The following HCN3 variants were observed in gnomAD, a reference collection of about 807,000 sequenced individuals.
HCN3 encodes potassium/sodium hyperpolarization-activated cyclic nucleotide-gated channel 3.
A neutral mutation model predicts 56.8 loss-of-function variants in HCN3; 36 were observed. The observed-to-expected ratio is 0.63, with a 90% CI of 0.49 to 0.84. HCN3 has a LOEUF of 0.84. Ranked by LOEUF, HCN3 falls within the 40% of genes least tolerant of loss-of-function variation. The pLI, the probability that HCN3 is intolerant of heterozygous loss-of-function variation, is 0.00. For synonymous variants in HCN3, 425 were observed against 439.7 expected (o/e 0.97, Z 0.42); for missense variants, 930 against 1,079.3 (o/e 0.86, Z 1.94).
chr1:155,283,366 A>G (rs1674150287), intron 2 of HCN3, among the ~76,000 whole-genome samples: 1 of 152,096 alleles, frequency 6.6e-6, no homozygotes, highest in Non-Finnish European at 1.5e-5. Flanking sequence ...TGTCTAGCAC[A>G]TACTAAGTTC....
chr1:155,284,387 C>T lies in HCN3; in HGVS notation c.871-152C>T. On this transcript the variant is annotated intron_variant, in intron 3 of 7. Transcript: ENST00000368358. This position sits in a 1 kb window ranked among gnomAD's most constrained non-coding sequence, Gnocchi z 4.3. ...GTTGCAATAGAGGACCCTTTTGCCT[C>T]AGGGCCCCCCAGAACCAAACTTAAG... is the stretch of plus-strand genomic sequence containing the variant. The T allele has an allele frequency of 1.1e-6, 1 of 945,068 alleles. No homozygotes were observed. The highest frequency in any genetic ancestry group is 1.7e-5 in the South Asian group (1 of 57,354). 58.5% of individuals were successfully genotyped at this position (945,068 alleles called of 1,614,324 possible). A position where few individuals can be genotyped will look rare whatever the true frequency, so the allele number is the denominator to read the frequency against.
At chr1:155,287,489 C>A in intron 7 of HCN3, 152 bp downstream of exon 7, 1 of 943,368 alleles carries the variant, frequency 1.1e-6, no homozygotes, top group Non-Finnish European at 1.6e-6. Context: ...ACACTGTGGC[C>A]CACTGTCCCT....
rs1674248396 is a variant in HCN3 at position 155,285,581 on chromosome 1, G to C, written c.1237-143G>C. 8.5e-7 allele frequency: 1 copy of C among 1,179,762 alleles called. No homozygotes were observed. Among genetic ancestry groups the C allele is most frequent in the African/African-American group, 1.5e-5 (1 of 65,104 alleles). The allele number at this position is 1,179,762 out of a possible 1,614,324, so 73.1% of individuals were successfully genotyped here. On this transcript the variant is annotated intron_variant, in intron 5 of 7. Transcript: ENST00000368358. The surrounding 1 kb of genome is among the most constrained non-coding windows in gnomAD (Gnocchi z 4.5). ...GGAAAGATCTGAAGGCAGGAGCTTA[G>C]GGATGGTCCCAGGCCCACTGATGCC...
chr1:155,277,879 C>A lies in HCN3; in HGVS notation c.278+11C>A, dbSNP rs753337283. 6 of 1,610,890 alleles carry A rather than the reference C, an allele frequency of 3.7e-6. No homozygotes were observed. The South Asian group carries it at 6.6e-5, about 18-fold the overall frequency. ...CTACAGCGACTTCCGGTATTGGGGGCTTGGCGGGGAGGGCAGGGTACATCA... is the reference window on the plus strand; with the variant it reads ...CTACAGCGACTTCCGGTATTGGGGGATTGGCGGGGAGGGCAGGGTACATCA... On this transcript the variant is annotated intron_variant, in intron 1 of 7. Coordinates refer to ENST00000368358, the MANE Select transcript of HCN3 (RefSeq NM_020897.3).
In HCN3 at chr1:155,285,078, T is replaced by C. The variant is rs1674222742; in HGVS notation, c.1090-87T>C. On this transcript the variant is annotated intron_variant, in intron 4 of 7. Transcript: ENST00000368358. The surrounding 1 kb of genome is among the most constrained non-coding windows in gnomAD (Gnocchi z 4.5). ...CACCCCTTTGAGTTTGACCTGTGTCTCTGACCTTCCGCACACACACCCCAC... is the reference window on the plus strand; with the variant it reads ...CACCCCTTTGAGTTTGACCTGTGTCCCTGACCTTCCGCACACACACCCCAC... The C allele has an allele frequency of 6.6e-7, 1 of 1,506,212 alleles. No homozygotes were observed. Among genetic ancestry groups the C allele is most frequent in the East Asian group, 2.3e-5 (1 of 44,050 alleles). The allele number at this position is 1,506,212 out of a possible 1,614,324, so 93.3% of individuals were successfully genotyped here. A position where few individuals can be genotyped will look rare whatever the true frequency, so the allele number is the denominator to read the frequency against.
Position 155,284,802 on chromosome 1 carries a change from G to T in HCN3, c.1089+45G>T. 2 of 1,541,704 alleles carry T rather than the reference G, an allele frequency of 1.3e-6. No individual in the cohort carries two copies. On this transcript the variant is annotated intron_variant, in intron 4 of 7. Coordinates refer to ENST00000368358, the MANE Select transcript of HCN3 (RefSeq NM_020897.3). The surrounding 1 kb of genome is among the most constrained non-coding windows in gnomAD (Gnocchi z 4.3). ...GGAGGTGTGGCATGGAGGGGTGTTG[G>T]AGACTGGGTAGCCTGACTTGAGGCC...
rs376804542 is a variant in HCN3, at chr1:155,284,141, A to T, written c.870+6A>T. 6.2e-7 allele frequency: 1 copy of T among 1,613,500 alleles called. No homozygotes were observed. Among genetic ancestry groups the T allele is most frequent in the Non-Finnish European group, 8.5e-7 (1 of 1,179,600 alleles). ...TCTCCATCAACCACATGGTGGTGAGAAGTCCCCACAGCTCTGCCTTTCCTG... is the reference window on the plus strand; with the variant it reads ...TCTCCATCAACCACATGGTGGTGAGTAGTCCCCACAGCTCTGCCTTTCCTG... On this transcript the variant is annotated splice_donor_region_variant and intron_variant, in intron 3 of 7. Coordinates refer to ENST00000368358, the MANE Select transcript of HCN3 (RefSeq NM_020897.3). This position sits in a 1 kb window ranked among gnomAD's most constrained non-coding sequence, Gnocchi z 4.3.
Position 155,285,998 on chromosome 1 carries a change from G to T in HCN3, c.1477+34G>T, listed in dbSNP as rs776393595. 3.9e-6 allele frequency: 6 copies of T among 1,548,862 alleles called. No homozygotes were observed. Among genetic ancestry groups the T allele is most frequent in the South Asian group, 1.2e-5 (1 of 80,478 alleles). ...GCCTCAGGGAGGGTGGCAGGGTCAC[G>T]AGCAGACAGTGGAGAGGGCAACTGC... On this transcript the variant is annotated intron_variant, in intron 6 of 7. Transcript: ENST00000368358. The surrounding 1 kb of genome is among the most constrained non-coding windows in gnomAD (Gnocchi z 4.5).
Position 155,282,251 on chromosome 1 carries a change from C to T in HCN3, c.279-160C>T, listed in dbSNP as rs1452693769. 1.3e-5 allele frequency among the ~76,000 whole-genome samples: 2 copies of T among 152,234 alleles called. No homozygotes were observed. Among genetic ancestry groups the T allele is most frequent in the Admixed American group, 6.5e-5 (1 of 15,280 alleles). The stretch of plus-strand genomic sequence containing the variant: ...TCACTAGATAATGCTGAACTATTTT[C>T]CCAAATGGTGGTCCCAACTTATACT... On this transcript the variant is annotated intron_variant, in intron 1 of 7. Transcript: ENST00000368358. This position sits in a 1 kb window ranked among gnomAD's most constrained non-coding sequence, Gnocchi z 4.7.
chr1:155,285,448 G>T lies in HCN3; in HGVS notation c.1236+137G>T. 1 of 1,161,948 alleles carries T rather than the reference G, an allele frequency of 8.6e-7. No individual in the cohort carries two copies. The highest frequency in any genetic ancestry group is 1.2e-6 in the Non-Finnish European group (1 of 835,532). 72.0% of individuals were successfully genotyped at this position (1,161,948 alleles called of 1,614,324 possible). A position where few individuals can be genotyped will look rare whatever the true frequency, so the allele number is the denominator to read the frequency against. ...GCCCCGTGGGAGGCCAGGTATTTGG[G>T]CTTTCAGGGGCTAGGGTCTTTCTTG... On this transcript the variant is annotated intron_variant, in intron 5 of 7. Transcript: ENST00000368358. The surrounding 1 kb of genome is among the most constrained non-coding windows in gnomAD (Gnocchi z 4.5).
Position 155,285,882 on chromosome 1 carries a change from G to A in HCN3, c.1395G>A (p.Met465Ile), listed in dbSNP as rs141817871. 399 of 1,614,206 alleles carry A rather than the reference G, an allele frequency of 2.5e-4. 1 individual carries two copies. Among genetic ancestry groups the A allele is most frequent in the Admixed American group, 3.0e-4 (18 of 60,028 alleles). ...VVREGSVGRKMYFIQHGLLSV... is the reference protein window; with the variant it reads ...VVREGSVGRKIYFIQHGLLSV... ...GTGAGGGCTCCGTGGGGAGGAAGAT[G>A]TACTTCATCCAGCATGGGCTGCTCA... Residue 465 changes from methionine (M) to isoleucine (I), a missense_variant, in exon 6 of 8, where the codon ATG (methionine) becomes ATA (isoleucine). Physicochemically the swap from Met to Ile is conservative, Grantham distance 10. Transcript: ENST00000368358. The surrounding 1 kb of genome is among the most constrained non-coding windows in gnomAD (Gnocchi z 4.5).
chr1:155,282,616 C>T lies in HCN3; in HGVS notation c.484C>T (p.Arg162Trp), dbSNP rs34277242. 23 of 1,614,244 alleles carry T rather than the reference C, an allele frequency of 1.4e-5. No homozygotes were observed. The highest frequency in any genetic ancestry group is 1.3e-4 in the East Asian group (6 of 44,888). Reference protein sequence around the residue: ...EEGAEILLAPRAIRTRYLRTW... With the variant: ...EEGAEILLAPWAIRTRYLRTW... ...GGGTGCTGAGATCCTGCTGGCACCG[C>T]GGGCCATCCGCACGCGCTACCTGCG... The change falls in exon 2 of 8, where the codon CGG becomes TGG. Residue 162 changes from arginine to tryptophan, a missense_variant. Transcript: ENST00000368358. The surrounding 1 kb of genome is among the most constrained non-coding windows in gnomAD (Gnocchi z 4.7).
Position 155,284,043 on chromosome 1 carries a change from C to T in HCN3, c.778C>T (p.Leu260=), listed in dbSNP as rs968608221. 3.2e-5 allele frequency: 52 copies of T among 1,614,060 alleles called. No individual in the cohort carries two copies. Among genetic ancestry groups the T allele is most frequent in the Middle Eastern group, 3.3e-4 (2 of 6,082 alleles). ...CTTCAACCTCATTGGGATGATGCTG[C>T]TGCTATGTCACTGGGATGGCTGTCT... ...RIFNLIGMML[L]LCHWDGCLQF... Residue 260 remains leucine (L), a synonymous_variant, in exon 3 of 8, where the codon CTG becomes TTG. Transcript: ENST00000368358. This position sits in a 1 kb window ranked among gnomAD's most constrained non-coding sequence, Gnocchi z 4.3.
Position 155,285,757 on chromosome 1 carries a change from G to A in HCN3, c.1270G>A (p.Ala424Thr). The change falls in exon 6 of 8, where the codon GCC becomes ACC. Residue 424 changes from alanine (A) to threonine (T), a missense_variant. Ala to Thr is a moderately conservative substitution (Grantham distance 58). Transcript: ENST00000368358. The surrounding 1 kb of genome is among the most constrained non-coding windows in gnomAD (Gnocchi z 4.5). ...TAACTTCACCTGTCGGGGCCTGGTG[G>A]CCCACATGCCGCTGTTTGCCCATGC... is the stretch of plus-strand genomic sequence containing the variant. ...IINFTCRGLVAHMPLFAHADP... is the reference protein window; with the variant it reads ...IINFTCRGLVTHMPLFAHADP... 1 of 1,614,142 alleles carries A rather than the reference G, an allele frequency of 6.2e-7. No homozygotes were observed. The highest frequency in any genetic ancestry group is 8.5e-7 in the Non-Finnish European group (1 of 1,180,002).
Position 155,285,429 on chromosome 1 carries a change from TGG to T in HCN3, c.1236+120_1236+121del, listed in dbSNP as rs1219307702. On this transcript the variant is annotated intron_variant, in intron 5 of 7. Coordinates refer to ENST00000368358, the MANE Select transcript of HCN3 (RefSeq NM_020897.3). The surrounding 1 kb of genome is among the most constrained non-coding windows in gnomAD (Gnocchi z 4.5). ...GGAATGAGGCCTGCAGAGGGCCCCGTGGGAGGCCAGGTATTTGGGCTTTCAGG... is the reference window on the plus strand; with the variant it reads ...GGAATGAGGCCTGCAGAGGGCCCCGTGAGGCCAGGTATTTGGGCTTTCAGG... The T allele has an allele frequency of 2.2e-6, 3 of 1,360,134 alleles. No individual in the cohort carries two copies. The African/African-American group carries it at 4.4e-5, about 20-fold the overall frequency. 84.3% of individuals were successfully genotyped at this position (1,360,134 alleles called of 1,614,324 possible). A position where few individuals can be genotyped will look rare whatever the true frequency, so the allele number is the denominator to read the frequency against.
At position 155,285,899 on chromosome 1, in the gene HCN3, G is replaced by C. The variant is rs1411813665; in HGVS notation, c.1412G>C (p.Gly471Ala). 6.2e-7 allele frequency: 1 copy of C among 1,613,256 alleles called. No individual in the cohort carries two copies. Among genetic ancestry groups the C allele is most frequent in the Admixed American group, 1.7e-5 (1 of 60,010 alleles). The stretch of plus-strand genomic sequence containing the variant: ...AGGAAGATGTACTTCATCCAGCATG[G>C]GCTGCTCAGTGTGCTGGCCCGCGGC... ...VGRKMYFIQH[G>A]LLSVLARGAR... The change falls in exon 6 of 8, where the codon GGG becomes GCG. Residue 471 changes from glycine to alanine, a missense_variant. Coordinates refer to ENST00000368358, the MANE Select transcript of HCN3 (RefSeq NM_020897.3). This position sits in a 1 kb window ranked among gnomAD's most constrained non-coding sequence, Gnocchi z 4.5.
rs1674244177 is a variant in HCN3, at chr1:155,285,434, G to T, written c.1236+123G>T. On this transcript the variant is annotated intron_variant, in intron 5 of 7. Transcript: ENST00000368358. The surrounding 1 kb of genome is among the most constrained non-coding windows in gnomAD (Gnocchi z 4.5). ...GAGGCCTGCAGAGGGCCCCGTGGGA[G>T]GCCAGGTATTTGGGCTTTCAGGGGC... 3 of 1,332,416 alleles carry T rather than the reference G, an allele frequency of 2.3e-6. No homozygotes were observed. Among genetic ancestry groups the T allele is most frequent in the Non-Finnish European group, 3.0e-6 (3 of 985,658 alleles). The allele number at this position is 1,332,416 out of a possible 1,614,324, so 82.5% of individuals were successfully genotyped here. A position where few individuals can be genotyped will look rare whatever the true frequency, so the allele number is the denominator to read the frequency against.
At chr1:155,281,853 G>A (rs1275770987) in intron 1 of HCN3, among the ~76,000 whole-genome samples, 1 of 152,116 alleles carries the variant, frequency 6.6e-6, no homozygotes, top group African/African-American at 2.4e-5. Flanking sequence ...AGCCTCCTGA[G>A]TAGCTGGGAC....
chr1:155,288,253 A>G lies in HCN3; in HGVS notation c.2115A>G (p.Leu705=). 1 of 1,595,166 alleles carries G rather than the reference A, an allele frequency of 6.3e-7. No individual in the cohort carries two copies. Among genetic ancestry groups the G allele is most frequent in the Non-Finnish European group, 8.5e-7 (1 of 1,173,822 alleles). ...CTCCAGGAGGAGGTGGACGGCGGCTAGGACCTCGGGGCCGCCCACTCTCAG... is the reference window on the plus strand; with the variant it reads ...CTCCAGGAGGAGGTGGACGGCGGCTGGGACCTCGGGGCCGCCCACTCTCAG... The part of the protein sequence containing the change: ...GPPPGGGGRR[L]GPRGRPLSAS... The change falls in exon 8 of 8, where the codon CTA becomes CTG. Residue 705 remains leucine (L), a synonymous_variant. Coordinates refer to ENST00000368358, the MANE Select transcript of HCN3 (RefSeq NM_020897.3). The surrounding 1 kb of genome is among the most constrained non-coding windows in gnomAD (Gnocchi z 6.5).
Sources: gnomAD v4.1 joint callset for allele counts (sites outside exome capture counted in the v4.1 genomes callset) on GRCh38, gnomAD v4.1.1 for gene constraint, Gnocchi (gnomAD v3.1) non-coding constraint, MANE v1.5 for transcripts, NCBI Gene and HGNC (gene_info 2026-07-23, HGNC 2026-07-21) for gene names.